Variants in POC1B observed in about 807,000 individuals in gnomAD.
The protein encoded by POC1B is POC1 centriolar protein B, also known as POC1 centriolar protein homolog B.
A neutral mutation model predicts 60.6 loss-of-function variants in POC1B; 44 were observed. The observed-to-expected ratio is 0.73, with a 90% CI of 0.57 to 0.93. POC1B has a LOEUF of 0.93. POC1B is among the 40% of genes least tolerant of loss of function. POC1B has a pLI of 0.00. For missense variants in POC1B, 555 were observed against 572.3 expected, an observed-to-expected ratio of 0.97 and a Z score of 0.31; for synonymous variants, 180 against 198.9, an observed-to-expected ratio of 0.90 and a Z score of 0.80.
chr12:89,504,777 A>C (rs534600946), intron 2 of POC1B, among the ~76,000 whole-genome samples: 6 of 152,310 alleles, frequency 3.9e-5, no homozygotes, highest in African/African-American at 1.4e-4. Flanking sequence ...TATCCAACAC[A>C]TAACAAAGTG....
chr12:89,473,989 G>T (rs974808397), intron 4 of POC1B, among the ~76,000 whole-genome samples: 1 of 152,112 alleles, frequency 6.6e-6, no homozygotes, highest in African/African-American at 2.4e-5. Flanking sequence ...CGGATCACCT[G>T]AGGTCAGGAG....
intron 2 of POC1B, among the ~76,000 whole-genome samples, chr12:89,506,699 A>G (rs942330445): frequency 6.6e-6 from 1 of 152,158 alleles, no homozygotes; most frequent in Admixed American, 6.5e-5. Context: ...GAAAATAATT[A>G]AGAATTTCAT....
intron 4 of POC1B, among the ~76,000 whole-genome samples, chr12:89,481,847 C>T (rs1023929902): frequency 6.6e-6 from 1 of 152,082 alleles, no homozygotes; most frequent in Non-Finnish European, 1.5e-5. Context: ...ATTTGAAATT[C>T]TAGAAGGGCC....
At chr12:89,487,476 A>T (rs1469347603) in intron 4 of POC1B, among the ~76,000 whole-genome samples, 1 of 152,196 alleles carries the variant, frequency 6.6e-6, no homozygotes, top group East Asian at 1.9e-4. Context: ...GTCTTATGGC[A>T]TCACTCAGTC....
At chr12:89,502,547 A>T in intron 2 of POC1B, 2 of 1,130,110 alleles carry the variant, frequency 1.8e-6, no homozygotes. Flanking sequence ...CTTAATGGTA[A>T]ATCTAGGTAT....
At chr12:89,479,413 T>C (rs529724001) in intron 4 of POC1B, among the ~76,000 whole-genome samples, 11 of 152,128 alleles carry the variant, frequency 7.2e-5, no homozygotes, top group Admixed American at 3.3e-4. Flanking sequence ...GGCAAAAAAG[T>C]ATTTATTTTG....
chr12:89,524,481 G>C (rs746104374), intron 2 of POC1B: 3 of 1,613,472 alleles, frequency 1.9e-6, no homozygotes, highest in Non-Finnish European at 1.7e-6. Flanking sequence ...GCTCCACGAA[G>C]ATATAGGCCA....
downstream of POC1B, among the ~76,000 whole-genome samples, chr12:89,415,532 A>C (rs1359519844): frequency 6.6e-6 from 1 of 151,906 alleles, no homozygotes; most frequent in African/African-American, 2.4e-5. Flanking sequence ...AGTCCCAGCT[A>C]CTCGGGAGGC....
intron 10 of POC1B, among the ~76,000 whole-genome samples, chr12:89,439,357 C>A (rs1039348371): frequency 6.6e-6 from 1 of 152,150 alleles, no homozygotes; most frequent in East Asian, 1.9e-4. Context: ...TGTATATATT[C>A]GTCCTCTGCC....
chr12:89,495,701 G>A lies in POC1B; in HGVS notation c.272+1470C>T, dbSNP rs1169156066. On this transcript the variant is annotated intron_variant, in intron 3 of 11. Transcript: ENST00000313546. ...GGACCAGGGAGTCAGGGGGAAGGAT[G>A]GATGATTTTGGGATGATTCAAGTGC... Among the ~76,000 whole-genome samples, 3 of 152,054 alleles carry A rather than the reference G, an allele frequency of 2.0e-5. No individual in the cohort carries two copies. In the East Asian group the frequency reaches 5.8e-4, roughly 29 times the overall value.
intron 4 of POC1B, among the ~76,000 whole-genome samples, chr12:89,489,230 T>C (rs1412668008): frequency 6.6e-6 from 1 of 152,214 alleles, no homozygotes; most frequent in Non-Finnish European, 1.5e-5. Flanking sequence ...AGATATTTAC[T>C]CATTTGAATA....
At chr12:89,437,355 A>C (rs1304946872) in intron 10 of POC1B, among the ~76,000 whole-genome samples, 1 of 152,154 alleles carries the variant, frequency 6.6e-6, no homozygotes, top group African/African-American at 2.4e-5. Flanking sequence ...GAGATCATTC[A>C]CAATCCATCC....
chr12:89,497,195 GT>G lies in POC1B; in HGVS notation c.247del (p.Thr83ProfsTer2), dbSNP rs1219608074. On this transcript the variant is annotated frameshift_variant, in exon 3 of 12. Transcript: ENST00000313546. LOFTEE classifies it high-confidence loss of function. ...CTTATCAGGAATCCAGAGTCTCACGGTTCTGTCTCGTGAGGCAGACGCCAAT... is the reference window on the plus strand; with the variant it reads ...CTTATCAGGAATCCAGAGTCTCACGGTCTGTCTCGTGAGGCAGACGCCAAT... ...NLLASASRDR[T>X]VRLWIPDKRG... 3 of 1,613,870 alleles carry G rather than the reference GT, an allele frequency of 1.9e-6. No individual in the cohort carries two copies. Among genetic ancestry groups the G allele is most frequent in the Non-Finnish European group, 2.5e-6 (3 of 1,179,978 alleles).
At chr12:89,488,268 T>A (rs1366847469) in intron 4 of POC1B, among the ~76,000 whole-genome samples, 3 of 152,162 alleles carry the variant, frequency 2.0e-5, no homozygotes, top group African/African-American at 4.8e-5. Flanking sequence ...GAAAACTATA[T>A]CAGCCACCAT....
At chr12:89,452,908 C>T (rs1197900240) in intron 10 of POC1B, among the ~76,000 whole-genome samples, 1 of 152,112 alleles carries the variant, frequency 6.6e-6, no homozygotes, top group Non-Finnish European at 1.5e-5. Context: ...ATCACATTCG[C>T]AACTGTTAGC....
At chr12:89,500,239 T>C in intron 2 of POC1B, 4 of 1,570,978 alleles carry the variant, frequency 2.5e-6, no homozygotes. Context: ...GTCTTGCCAA[T>C]GATTTTAGCA....
intron 10 of POC1B, among the ~76,000 whole-genome samples, chr12:89,447,556 C>T (rs1881840758): frequency 1.3e-5 from 2 of 151,944 alleles, no homozygotes; most frequent in Admixed American, 1.3e-4. Flanking sequence ...TTTGCTTCAG[C>T]TTAATGATGC....
At chr12:89,407,403 T>C in the POC1B span, among the ~76,000 whole-genome samples, 1 of 151,722 alleles carries the variant, frequency 6.6e-6, no homozygotes, top group Non-Finnish European at 1.5e-5. Flanking sequence ...CAGCTAATTT[T>C]TTTTTGTATT....
At chr12:89,456,306 C>G (rs1882256467) in intron 10 of POC1B, among the ~76,000 whole-genome samples, 1 of 152,154 alleles carries the variant, frequency 6.6e-6, no homozygotes. Context: ...CAGGTGTGAG[C>G]CACTGTGCCC....
Sources: allele counts gnomAD v4.1 joint callset (sites outside exome capture counted in the v4.1 genomes callset), GRCh38; gene constraint gnomAD v4.1.1; transcripts MANE v1.5; gene names NCBI Gene and HGNC (gene_info 2026-07-23, HGNC 2026-07-21).